KCNMB2: variants seen among roughly 807,000 people sequenced by gnomAD.
The protein encoded by KCNMB2 is potassium calcium-activated channel subfamily M regulatory beta subunit 2, also known as calcium-activated potassium channel subunit beta-2.
KCNMB2 carries 9 observed loss-of-function variants against 24.5 expected under a neutral mutation model. The observed-to-expected ratio is 0.37, with a 90% confidence interval of 0.22 to 0.64. The LOEUF (loss-of-function observed/expected upper bound fraction) is 0.64, where lower values mean the gene tolerates loss of function less well. Among genes scored for constraint, KCNMB2 ranks in the 30% least tolerant of loss-of-function variants. The probability of loss-of-function intolerance (pLI) is 0.63; values close to 1 mark genes in which losing one functional copy is unlikely to be tolerated. For synonymous variants in KCNMB2, 109 were observed against 104.4 expected (o/e 1.04, Z -0.27); for missense variants, 226 against 284.3 (o/e 0.79, Z 1.47).
intron 1 of KCNMB2, among the ~76,000 whole-genome samples, chr3:178,719,423 G>A (rs1401000137): frequency 6.6e-6 from 1 of 152,214 alleles, no homozygotes; most frequent in Non-Finnish European, 1.5e-5. Context: ...ATAACTCATA[G>A]GTAACAGCTT....
intron 1 of KCNMB2, among the ~76,000 whole-genome samples, chr3:178,664,291 A>C (rs978605640): frequency 3.9e-5 from 6 of 152,136 alleles, no homozygotes; most frequent in African/African-American, 1.4e-4. Context: ...GAATTTTAGA[A>C]ACATTTCTCA....
chr3:178,740,325 T>G (rs1252085399), intron 1 of KCNMB2, among the ~76,000 whole-genome samples: 2 of 152,024 alleles, frequency 1.3e-5, no homozygotes, highest in Non-Finnish European at 2.9e-5. Context: ...TTTCACCATG[T>G]TAGCCAGGAT....
intron 1 of KCNMB2, among the ~76,000 whole-genome samples, chr3:178,757,822 T>C (rs1286126916): frequency 3.1e-5 from 2 of 64,510 alleles, no homozygotes; most frequent in African/African-American, 1.5e-4. Context: ...GATATATATA[T>C]ACACATCCAT....
intron 1 of KCNMB2, among the ~76,000 whole-genome samples, chr3:178,794,322 C>CCCCT (rs1001914925): frequency 1.3e-5 from 2 of 152,272 alleles, no homozygotes; most frequent in African/African-American, 4.8e-5. Flanking sequence ...GACCGGCTGT[C>CCCCT]CCCTCTATCT....
At chr3:178,782,725 CT>C (rs1560019643) in intron 1 of KCNMB2, among the ~76,000 whole-genome samples, 2 of 151,370 alleles carry the variant, frequency 1.3e-5, no homozygotes, top group African/African-American at 4.9e-5. Flanking sequence ...CGAAAATTTT[CT>C]CCCATTTTGT....
chr3:178,694,291 C>T (rs1721796203), intron 1 of KCNMB2, among the ~76,000 whole-genome samples: 1 of 152,188 alleles, frequency 6.6e-6, no homozygotes, highest in African/African-American at 2.4e-5. Context: ...CCTCCTATAA[C>T]ATGTGGGGAT....
chr3:178,687,622 CTT>C, intron 1 of KCNMB2, among the ~76,000 whole-genome samples: 1 of 152,166 alleles, frequency 6.6e-6, no homozygotes, highest in Admixed American at 6.5e-5. Flanking sequence ...GTAACCAGGG[CTT>C]TGTAAAATAA....
chr3:178,550,955 AG>A (rs1715933698), intron 1 of KCNMB2, among the ~76,000 whole-genome samples: 1 of 152,230 alleles, frequency 6.6e-6, no homozygotes. Context: ...GAGAATTCAA[AG>A]GAAGAGCTTT....
intron 1 of KCNMB2, among the ~76,000 whole-genome samples, chr3:178,653,699 C>T (rs1720216540): frequency 6.6e-6 from 1 of 152,016 alleles, no homozygotes. Flanking sequence ...AATTGAATTA[C>T]ATTAATATAT....
rs964786475 is a variant in KCNMB2 at position 178,648,428 on chromosome 3, A to G, written c.-68+111717A>G. Among the ~76,000 whole-genome samples the G allele has an allele frequency of 8.9e-4, 135 of 152,156 alleles. 1 individual carries two copies. The highest frequency in any genetic ancestry group is 3.1e-3 in the African/African-American group (130 of 41,428). ...GCAGCATGCACCTGTAGTGCCAACT[A>G]CTTGTGAGCCTGAGGGGGAAGATTA... On this transcript the variant is annotated intron_variant, in intron 1 of 4. Coordinates refer to ENST00000452583, the MANE Select transcript of KCNMB2 (RefSeq NM_181361.3).
intron 1 of KCNMB2, among the ~76,000 whole-genome samples, chr3:178,652,199 C>T (rs1474902362): frequency 1.3e-5 from 2 of 152,066 alleles, no homozygotes; most frequent in Non-Finnish European, 2.9e-5. Flanking sequence ...TATCCAGAAT[C>T]TACAAGGAAC....
At chr3:178,657,206 A>G (rs1159402097) in intron 1 of KCNMB2, among the ~76,000 whole-genome samples, 2 of 152,178 alleles carry the variant, frequency 1.3e-5, no homozygotes, top group Admixed American at 6.5e-5. Flanking sequence ...GATCCCCACA[A>G]AAGAGGTCCT....
chr3:178,644,583 A>T (rs1343977386), intron 1 of KCNMB2, among the ~76,000 whole-genome samples: 1 of 152,226 alleles, frequency 6.6e-6, no homozygotes, highest in African/African-American at 2.4e-5. Context: ...AGATGGGGCC[A>T]CTTAAGCTCC....
Position 178,679,153 on chromosome 3 carries a change from G to A in KCNMB2, c.-67-128190G>A, listed in dbSNP as rs937905749. On this transcript the variant is annotated intron_variant, in intron 1 of 4. Coordinates refer to ENST00000452583, the MANE Select transcript of KCNMB2 (RefSeq NM_181361.3). ...TATCAGTTTTTTTATTTGTTGACTGGGTCTCCCAAAAGATATACACTACAT... is the reference window on the plus strand; with the variant it reads ...TATCAGTTTTTTTATTTGTTGACTGAGTCTCCCAAAAGATATACACTACAT... Among the ~76,000 whole-genome samples the A allele has an allele frequency of 7.9e-5, 12 of 151,342 alleles. 1 individual carries two copies. The highest frequency in any genetic ancestry group is 6.9e-3 in the Middle Eastern group (2 of 288).
At chr3:178,801,097 A>G (rs1220775308) in intron 1 of KCNMB2, among the ~76,000 whole-genome samples, 1 of 152,176 alleles carries the variant, frequency 6.6e-6, no homozygotes, top group African/African-American at 2.4e-5. Flanking sequence ...GATAGAATGA[A>G]TAAGATCTAG....
intron 1 of KCNMB2, among the ~76,000 whole-genome samples, chr3:178,573,021 A>ATT (rs1042490041): frequency 6.8e-6 from 1 of 146,732 alleles, no homozygotes. Flanking sequence ...TTGAGGAAGA[A>ATT]TTTTTTTTTT....
intron 1 of KCNMB2, among the ~76,000 whole-genome samples, chr3:178,806,945 AAAG>A (rs1293741492): frequency 4.6e-5 from 7 of 152,346 alleles, no homozygotes; most frequent in Non-Finnish European, 7.4e-5. Flanking sequence ...ATTGAAGAGG[AAAG>A]AAGAAGTTGA....
At chr3:178,601,306 G>A (rs888601054) in intron 1 of KCNMB2, among the ~76,000 whole-genome samples, 5 of 151,904 alleles carry the variant, frequency 3.3e-5, no homozygotes, top group Non-Finnish European at 5.9e-5. Flanking sequence ...CAATAAACCT[G>A]CACGCTCTGC....
At chr3:178,793,919 CA>C in intron 1 of KCNMB2, among the ~76,000 whole-genome samples, 1 of 152,052 alleles carries the variant, frequency 6.6e-6, no homozygotes. Flanking sequence ...GGGAACAAGA[CA>C]AACAAACAAG....
Sources: allele counts gnomAD v4.1 joint callset (sites outside exome capture counted in the v4.1 genomes callset), GRCh38; gene constraint gnomAD v4.1.1; transcripts MANE v1.5; gene names NCBI Gene and HGNC (gene_info 2026-07-23, HGNC 2026-07-21).